COPG2: variants seen among roughly 807,000 people sequenced by gnomAD.
The protein encoded by COPG2 is coatomer subunit gamma-2.
Under a neutral mutation model 46.3 loss-of-function variants are expected in COPG2, and 37 were observed. The ratio of observed to expected loss-of-function variants is 0.80; its 90% CI spans 0.61 to 1.05. COPG2 has a LOEUF of 1.05. COPG2 is among the 50% of genes least tolerant of loss of function. The pLI is 0.00. For missense variants in COPG2, 427 were observed against 387.8 expected (o/e 1.10, Z -0.85); for synonymous variants, 159 against 129.7 (o/e 1.23, Z -1.53).
chr7:130,659,269 G>A (rs1425794554), intron 4 of COPG2, among the ~76,000 whole-genome samples: 2 of 146,982 alleles, frequency 1.4e-5, no homozygotes, highest in African/African-American at 2.5e-5. Flanking sequence ...GCAGGAGAAT[G>A]GCGTGAACCT....
chr7:130,577,304 T>C (rs145628053), intron 9 of COPG2, among the ~76,000 whole-genome samples: 2,557 of 152,322 alleles, frequency 0.017, 68 homozygotes, highest in African/African-American at 0.059. Flanking sequence ...CGCAGGTCAG[T>C]GGGTGCACGC....
chr7:130,506,501 C>A lies in COPG2; in HGVS notation c.*175G>T, dbSNP rs199960907. 0.038 allele frequency: 12,645 copies of A among 330,728 alleles called. 262 individuals carry two copies. The highest frequency in any genetic ancestry group is 0.075 in the African/African-American group (3,287 of 43,900). 20.5% of individuals were successfully genotyped at this position (330,728 alleles called of 1,614,324 possible). A position where few individuals can be genotyped will look rare whatever the true frequency, so the allele number is the denominator to read the frequency against. ...GAATAAAAAGAAAAAAAAAAAAAAA[C>A]AACCCATGCGCAAAGATAGACATTT... On this transcript the variant is annotated 3_prime_UTR_variant, in exon 24 of 24. Transcript: ENST00000425248.
At chr7:130,631,172 CT>C (rs55966949) in intron 5 of COPG2, among the ~76,000 whole-genome samples, 65,990 of 101,734 alleles carry the variant, frequency 0.65, 18,996 homozygotes, top group Middle Eastern at 0.68. Flanking sequence ...TTTTTCTTTT[CT>C]TTTTTTTTTT....
rs887495836 is a variant in COPG2, at chr7:130,536,371, T to C, written c.2149+11303A>G. 2.5e-4 allele frequency among the ~76,000 whole-genome samples: 38 copies of C among 151,990 alleles called. 1 individual carries two copies. In the South Asian group the frequency reaches 7.5e-3, roughly 30 times the overall value. On this transcript the variant is annotated intron_variant, in intron 20 of 23. Coordinates refer to ENST00000425248, the MANE Select transcript of COPG2 (RefSeq NM_012133.6). ...CACAGCAGTGATTCTTATCTGGGGT[T>C]GAGGGGTGGGTTTCACCCGAGGGAG...
chr7:130,601,387 A>C (rs1213408938), intron 9 of COPG2, among the ~76,000 whole-genome samples: 2 of 152,182 alleles, frequency 1.3e-5, no homozygotes, highest in African/African-American at 2.4e-5. Context: ...GGCACTATTC[A>C]CAATAGCAAA....
intron 9 of COPG2, among the ~76,000 whole-genome samples, chr7:130,571,862 C>T (rs1239403945): frequency 4.7e-5 from 7 of 148,418 alleles, no homozygotes; most frequent in African/African-American, 1.0e-4. Context: ...TATATATATA[C>T]ACAAACGCGC....
At chr7:130,567,405 A>G (rs1453595678) in intron 9 of COPG2, among the ~76,000 whole-genome samples, 1 of 152,258 alleles carries the variant, frequency 6.6e-6, no homozygotes, top group African/African-American at 2.4e-5. Flanking sequence ...ATAATCAAGG[A>G]AAACTTCCCC....
intron 4 of COPG2, among the ~76,000 whole-genome samples, chr7:130,659,359 A>AAAAAAAAAAAAAAC (rs1242314650): frequency 4.7e-5 from 7 of 149,408 alleles, no homozygotes; most frequent in Non-Finnish European, 7.4e-5. Context: ...CGTCTCAAAA[A>AAAAAAAAAAAAAAC]AAAAAAAAAC....
At chr7:130,593,678 T>C (rs1554449335) in intron 9 of COPG2, among the ~76,000 whole-genome samples, 1 of 152,068 alleles carries the variant, frequency 6.6e-6, no homozygotes, top group East Asian at 1.9e-4. Context: ...TATAGACACA[T>C]ATTTCAACTA....
At position 130,552,962 on chromosome 7, in the gene COPG2, T is replaced by C. The variant is rs1046308623; in HGVS notation, c.1469-532A>G. 7.0e-3 allele frequency among the ~76,000 whole-genome samples: 1,068 copies of C among 152,272 alleles called. 6 individuals carry two copies. Among genetic ancestry groups the C allele is most frequent in the Non-Finnish European group, 0.012 (830 of 68,024 alleles). ...CATAGGTAAGTCCATGGAAGAAATA[T>C]ATCCAGGATGCTATGTGAATACACA... On this transcript the variant is annotated intron_variant, in intron 14 of 23. Coordinates refer to ENST00000425248, the MANE Select transcript of COPG2 (RefSeq NM_012133.6).
intron 6 of COPG2, among the ~76,000 whole-genome samples, chr7:130,616,200 T>C (rs781981899): frequency 8.5e-5 from 13 of 152,196 alleles, no homozygotes; most frequent in Non-Finnish European, 1.9e-4. Context: ...TTCAGATATA[T>C]ATTTTTTTCC....
chr7:130,582,432 C>T lies in COPG2; in HGVS notation c.738-18039G>A, dbSNP rs1452634382. Among the ~76,000 whole-genome samples, 10 of 151,478 alleles carry T rather than the reference C, an allele frequency of 6.6e-5. No individual in the cohort carries two copies. The East Asian group carries it at 1.9e-3, about 29-fold the overall frequency. On this transcript the variant is annotated intron_variant, in intron 9 of 23. Transcript: ENST00000425248. ...TAGGCATTACCATTCAGGACATAGG[C>T]ATGGGCAAGGATTTCATGTCCAAAA... is the stretch of plus-strand genomic sequence containing the variant.
intron 9 of COPG2, among the ~76,000 whole-genome samples, chr7:130,592,443 A>G (rs1554449160): frequency 6.6e-6 from 1 of 152,068 alleles, no homozygotes; most frequent in Non-Finnish European, 1.5e-5. Context: ...GTACAAAACT[A>G]GAAAATAATA....
intron 5 of COPG2, among the ~76,000 whole-genome samples, chr7:130,627,921 T>C (rs1554454531): frequency 6.6e-6 from 1 of 152,238 alleles, no homozygotes; most frequent in East Asian, 1.9e-4. Flanking sequence ...GATGTAGTTT[T>C]ACCAAGAACA....
At chr7:130,660,986 A>G (rs1444486680) in intron 4 of COPG2, among the ~76,000 whole-genome samples, 2 of 152,192 alleles carry the variant, frequency 1.3e-5, no homozygotes, top group Non-Finnish European at 2.9e-5. Flanking sequence ...CAAAACTTCA[A>G]TCCTGATTAA....
intron 20 of COPG2, among the ~76,000 whole-genome samples, chr7:130,517,551 C>T (rs1407601411): frequency 6.6e-6 from 1 of 152,186 alleles, no homozygotes; most frequent in Non-Finnish European, 1.5e-5. Context: ...TAAAAAGGTA[C>T]TGCTAGCAAC....
At chr7:130,555,208 C>G in intron 12 of COPG2, 76 bp from the exon 13 acceptor site, 1 of 393,808 alleles carries the variant, frequency 2.5e-6, no homozygotes, top group Non-Finnish European at 4.5e-6. Flanking sequence ...AGAGAAAAGA[C>G]ATTCATCTTT....
intron 5 of COPG2, among the ~76,000 whole-genome samples, chr7:130,631,573 GT>G (rs138742958): frequency 0.057 from 8,721 of 152,162 alleles, 314 homozygotes; most frequent in African/African-American, 0.1. Flanking sequence ...TGTTATTTTA[GT>G]GGTGGCTTTA....
intron 9 of COPG2, among the ~76,000 whole-genome samples, chr7:130,601,829 AGGAAGGAAGGAAGGAG>A (rs1794636982): frequency 6.6e-6 from 1 of 151,948 alleles, no homozygotes. Context: ...TAATAAAAAA[AGGAAGGAAGGAAGGAG>A]GGAAGGAAGG....
Sources: gnomAD v4.1 joint callset for allele counts (sites outside exome capture counted in the v4.1 genomes callset) on GRCh38, gnomAD v4.1.1 for gene constraint, MANE v1.5 for transcripts, NCBI Gene and HGNC (gene_info 2026-07-23, HGNC 2026-07-21) for gene names.